Variants in ANKRD6 observed in about 807,000 individuals in gnomAD.
ANKRD6 encodes ankyrin repeat domain-containing protein 6.
A neutral mutation model predicts 82.3 loss-of-function variants in ANKRD6; 56 were observed. That is an observed-to-expected ratio of 0.68 (90% CI 0.55 to 0.85). The LOEUF is 0.85. ANKRD6 is among the 40% of genes least tolerant of loss of function. ANKRD6 has a pLI of 0.00. For synonymous variants in ANKRD6, 347 were observed against 352.1 expected, an observed-to-expected ratio of 0.99 and a Z score of 0.16; for missense variants, 852 against 907.6, an observed-to-expected ratio of 0.94 and a Z score of 0.79.
intron 9 of ANKRD6, among the ~76,000 whole-genome samples, chr6:89,620,493 G>C (rs1443683813): frequency 1.3e-5 from 2 of 152,144 alleles, no homozygotes; most frequent in African/African-American, 4.8e-5. Flanking sequence ...TTGATTTCCT[G>C]GTGAATCTGA....
chr6:89,490,158 A>G (rs1053014230), intron 1 of ANKRD6, among the ~76,000 whole-genome samples: 2 of 152,186 alleles, frequency 1.3e-5, no homozygotes, highest in Non-Finnish European at 2.9e-5. Context: ...GTTCAATTGC[A>G]TGCGCATTTG....
Position 89,545,800 on chromosome 6 carries a change from T to G in ANKRD6, c.-143-21034T>G, listed in dbSNP as rs187039393. Among the ~76,000 whole-genome samples, 277 of 152,324 alleles carry G rather than the reference T, an allele frequency of 1.8e-3. 1 individual carries two copies. The highest frequency in any genetic ancestry group is 3.0e-3 in the Non-Finnish European group (205 of 68,036). Reference sequence around the variant, plus strand: ...AAGATGGCATCTGGATTAAATGTTCTGTGTATATTATTTTAATTTATTGAG... The same window carrying G: ...AAGATGGCATCTGGATTAAATGTTCGGTGTATATTATTTTAATTTATTGAG... On this transcript the variant is annotated intron_variant, in intron 1 of 15. Coordinates refer to ENST00000339746, the MANE Select transcript of ANKRD6 (RefSeq NM_001242809.2).
chr6:89,445,349 G>A (rs765409263), intron 1 of ANKRD6, among the ~76,000 whole-genome samples: 7 of 144,758 alleles, frequency 4.8e-5, no homozygotes, highest in Non-Finnish European at 9.0e-5. Context: ...TAGCTCACTG[G>A]AACCTCCACC....
At chr6:89,456,002 T>A (rs1773468719) in intron 1 of ANKRD6, among the ~76,000 whole-genome samples, 1 of 152,150 alleles carries the variant, frequency 6.6e-6, no homozygotes, top group Non-Finnish European at 1.5e-5. Flanking sequence ...GCCTCCTGAG[T>A]AACTGGGATT....
At chr6:89,442,029 C>T (rs1426912336) in intron 1 of ANKRD6, among the ~76,000 whole-genome samples, 1 of 151,434 alleles carries the variant, frequency 6.6e-6, no homozygotes, top group Non-Finnish European at 1.5e-5. Context: ...GACAGGGTCT[C>T]ACTCTGTCGC....
intron 1 of ANKRD6, among the ~76,000 whole-genome samples, chr6:89,548,440 C>T (rs1785393509): frequency 6.6e-6 from 1 of 152,130 alleles, no homozygotes; most frequent in East Asian, 1.9e-4. Context: ...CATTGATGGA[C>T]ATTTGAGTTG....
intron 1 of ANKRD6, among the ~76,000 whole-genome samples, chr6:89,527,617 A>AG (rs1382356051): frequency 3.3e-5 from 5 of 151,200 alleles, no homozygotes; most frequent in Admixed American, 6.6e-5. Context: ...AAAAAAAAAA[A>AG]AAAAAAAAAG....
In ANKRD6 at chr6:89,567,074, G is replaced by A. The variant is rs1301881122; in HGVS notation, c.98G>A (p.Gly33Asp). ...AATGTGGTTCAGCTCATCAACAAGG[G>A]CGCCAGGGTAGCGGTTACCAAGGTA... is the stretch of plus-strand genomic sequence containing the variant. The part of the protein sequence containing the change: ...TENVVQLINK[G>D]ARVAVTKHGR... Residue 33 changes from glycine (G) to aspartate (D), a missense_variant, in exon 2 of 16, where the codon GGC (glycine) becomes GAC (aspartate). Coordinates refer to ENST00000339746, the MANE Select transcript of ANKRD6 (RefSeq NM_001242809.2). 6.2e-7 allele frequency: 1 copy of A among 1,603,508 alleles called. No homozygotes were observed. Among genetic ancestry groups the A allele is most frequent in the Non-Finnish European group, 8.5e-7 (1 of 1,174,804 alleles).
chr6:89,545,869 A>T (rs779879599), intron 1 of ANKRD6, among the ~76,000 whole-genome samples: 1 of 152,126 alleles, frequency 6.6e-6, no homozygotes, highest in Non-Finnish European at 1.5e-5. Flanking sequence ...CAGTGGTGCA[A>T]TCTTGGCTCA....
intron 13 of ANKRD6, among the ~76,000 whole-genome samples, 158 bp from the exon 14 acceptor site, chr6:89,627,425 G>A (rs928193707): frequency 6.6e-6 from 1 of 152,212 alleles, no homozygotes; most frequent in African/African-American, 2.4e-5. Flanking sequence ...TTCTGAAAGA[G>A]TTCCATGAGT....
At chr6:89,466,495 T>G (rs1774864144) in intron 1 of ANKRD6, among the ~76,000 whole-genome samples, 1 of 152,230 alleles carries the variant, frequency 6.6e-6, no homozygotes, top group Non-Finnish European at 1.5e-5. Context: ...TTTTTAAACT[T>G]TCAACTTGAT....
chr6:89,624,521 T>A lies in ANKRD6; in HGVS notation c.1219-18T>A. The A allele has an allele frequency of 5.2e-6, 8 of 1,551,842 alleles. No individual in the cohort carries two copies. Among genetic ancestry groups the A allele is most frequent in the Non-Finnish European group, 6.1e-6 (7 of 1,146,904 alleles). The stretch of plus-strand genomic sequence containing the variant: ...AGGAATGAACAAGGGATTGATTCCT[T>A]TTTTGTTTCTCTCTTAGGCACCAAT... On this transcript the variant is annotated intron_variant, in intron 12 of 15. Coordinates refer to ENST00000339746, the MANE Select transcript of ANKRD6 (RefSeq NM_001242809.2).
chr6:89,484,289 C>T (rs10944447), intron 1 of ANKRD6, among the ~76,000 whole-genome samples: 23,001 of 152,130 alleles, frequency 0.15, 2,037 homozygotes, highest in South Asian at 0.33. Context: ...TTGTGAAATA[C>T]GTGATGCGCT....
At chr6:89,465,928 G>A (rs1481765473) in intron 1 of ANKRD6, among the ~76,000 whole-genome samples, 1 of 152,068 alleles carries the variant, frequency 6.6e-6, no homozygotes. Flanking sequence ...GCCTCATTAG[G>A]TTATTATGGA....
intron 1 of ANKRD6, chr6:89,483,453 TC>T (rs1479117110): frequency 1.3e-5 from 2 of 152,310 alleles, no homozygotes; most frequent in Admixed American, 6.5e-5. Flanking sequence ...CTGAGGCTGT[TC>T]CCCAGTGGAC....
intron 1 of ANKRD6, among the ~76,000 whole-genome samples, chr6:89,533,293 C>T (rs753122963): frequency 1.4e-4 from 21 of 152,098 alleles, no homozygotes; most frequent in Admixed American, 2.0e-4. Flanking sequence ...GACTGAGGCC[C>T]GGAGAGGTTA....
chr6:89,622,232 G>T (rs892256423), intron 10 of ANKRD6, among the ~76,000 whole-genome samples: 5 of 152,140 alleles, frequency 3.3e-5, no homozygotes, highest in Non-Finnish European at 5.9e-5. Context: ...GTGCCTCCGT[G>T]TGCGCTGCCC....
intron 4 of ANKRD6, among the ~76,000 whole-genome samples, chr6:89,604,190 T>C (rs547933512): frequency 6.6e-6 from 1 of 152,234 alleles, no homozygotes; most frequent in African/African-American, 2.4e-5. Flanking sequence ...TAGCAGGGCA[T>C]GGTGGCGCAT....
Position 89,433,451 on chromosome 6 carries a change from G to T in ANKRD6, c.-144+76G>T, listed in dbSNP as rs77912824. 27,114 of 152,206 alleles carry T rather than the reference G, an allele frequency of 0.18. 2,710 individuals carry two copies. Among genetic ancestry groups the T allele is most frequent in the South Asian group, 0.33 (1,604 of 4,828 alleles). The allele number at this position is 152,206 out of a possible 1,614,324, so 9.4% of individuals were successfully genotyped here. A position where few individuals can be genotyped will look rare whatever the true frequency, so the allele number is the denominator to read the frequency against. On this transcript the variant is annotated intron_variant, in intron 1 of 15. Coordinates refer to ENST00000339746, the MANE Select transcript of ANKRD6 (RefSeq NM_001242809.2). This position sits in a 1 kb window ranked among gnomAD's most constrained non-coding sequence, Gnocchi z 4.3. ...GGCGCCTCAGGTCGGGGAGGACGCT[G>T]TCGGGGGAAGGGGGCGCTGCTCCCT...
Sources: allele counts gnomAD v4.1 joint callset (sites outside exome capture counted in the v4.1 genomes callset), GRCh38; gene constraint gnomAD v4.1.1; non-coding constraint Gnocchi (gnomAD v3.1); transcripts MANE v1.5; gene names NCBI Gene and HGNC (gene_info 2026-07-23, HGNC 2026-07-21).